The following OSBPL10 variants were observed in gnomAD, a reference collection of about 807,000 sequenced individuals.
The protein encoded by OSBPL10 is oxysterol binding protein like 10.
A neutral mutation model predicts 81.7 loss-of-function variants in OSBPL10; 49 were observed. The observed-to-expected ratio is 0.60, with a 90% CI of 0.48 to 0.76. OSBPL10 has a LOEUF of 0.76. OSBPL10 is among the 30% of genes least tolerant of loss of function. The pLI, the probability that OSBPL10 is intolerant of heterozygous loss-of-function variation, is 0.00. For missense variants in OSBPL10, 923 were observed against 987.8 expected (o/e 0.93, Z 0.88); for synonymous variants, 419 against 383.6 (o/e 1.09, Z -1.08).
At chr3:31,918,791 C>G (rs916289004) in intron 1 of OSBPL10, among the ~76,000 whole-genome samples, 1 of 152,164 alleles carries the variant, frequency 6.6e-6, no homozygotes, top group African/African-American at 2.4e-5. Flanking sequence ...AAATTTCAGA[C>G]AGTGGTAATT....
intron 7 of OSBPL10, chr3:31,701,722 T>C (rs1273454735): frequency 1.3e-5 from 2 of 152,116 alleles, no homozygotes; most frequent in Non-Finnish European, 2.9e-5. Context: ...GGGTGACGTA[T>C]GTGGGACCCT....
At chr3:31,746,679 C>CA (rs11338301) in intron 5 of OSBPL10, among the ~76,000 whole-genome samples, 365 of 134,760 alleles carry the variant, frequency 2.7e-3, no homozygotes, top group East Asian at 0.022. Flanking sequence ...AACTCTGTCT[C>CA]AAAAAAAAAA....
chr3:31,958,164 C>A (rs750317951), intron 1 of OSBPL10, among the ~76,000 whole-genome samples: 1 of 152,188 alleles, frequency 6.6e-6, no homozygotes, highest in Non-Finnish European at 1.5e-5. Context: ...AGAGCTAAAG[C>A]GTGACTTTGC....
chr3:31,741,057 C>G (rs374530039), intron 5 of OSBPL10, among the ~76,000 whole-genome samples: 1 of 152,022 alleles, frequency 6.6e-6, no homozygotes, highest in African/African-American at 2.4e-5. Context: ...TTATTTTAAG[C>G]CTTGCTTAGA....
chr3:31,918,879 G>A (rs933490357), intron 1 of OSBPL10, among the ~76,000 whole-genome samples: 1 of 152,138 alleles, frequency 6.6e-6, no homozygotes, highest in African/African-American at 2.4e-5. Flanking sequence ...ATTTGCACAA[G>A]CAAAACAAAA....
intron 3 of OSBPL10, among the ~76,000 whole-genome samples, chr3:31,858,542 C>CATT (rs1215569114): frequency 1.3e-5 from 2 of 152,176 alleles, no homozygotes; most frequent in African/African-American, 4.8e-5. Flanking sequence ...GACATGATCT[C>CATT]ATTAATCCTC....
chr3:31,713,466 G>A (rs901768173), intron 6 of OSBPL10, among the ~76,000 whole-genome samples: 7 of 151,464 alleles, frequency 4.6e-5, no homozygotes, highest in African/African-American at 1.2e-4. Context: ...GTGTGATCTT[G>A]GCTCACTGCA....
chr3:31,932,568 G>T (rs58687414), intron 1 of OSBPL10, among the ~76,000 whole-genome samples: 2 of 152,008 alleles, frequency 1.3e-5, no homozygotes, highest in Admixed American at 1.3e-4. Flanking sequence ...TTTACATTGC[G>T]TATAATAAAA....
chr3:31,750,760 A>G (rs1697688232), intron 4 of OSBPL10, among the ~76,000 whole-genome samples: 1 of 152,158 alleles, frequency 6.6e-6, no homozygotes, highest in Admixed American at 6.5e-5. Context: ...TGATGCCATA[A>G]TCTTAAGATT....
At chr3:31,904,549 C>T (rs1199912770) in intron 1 of OSBPL10, among the ~76,000 whole-genome samples, 1 of 152,160 alleles carries the variant, frequency 6.6e-6, no homozygotes, top group African/African-American at 2.4e-5. Context: ...AACTGTTCCT[C>T]CAACACATGC....
chr3:31,755,031 C>A (rs943313479), intron 4 of OSBPL10, among the ~76,000 whole-genome samples: 1 of 152,136 alleles, frequency 6.6e-6, no homozygotes, highest in African/African-American at 2.4e-5. Context: ...AATCTCATTT[C>A]AGAGCCATTG....
chr3:31,870,524 C>T (rs530026509), intron 3 of OSBPL10, among the ~76,000 whole-genome samples: 1 of 152,384 alleles, frequency 6.6e-6, no homozygotes, highest in Non-Finnish European at 1.5e-5. Flanking sequence ...GACTGGCAGG[C>T]AGCTCCACCT....
At chr3:31,749,519 T>C (rs1343456028) in intron 4 of OSBPL10, among the ~76,000 whole-genome samples, 1 of 152,194 alleles carries the variant, frequency 6.6e-6, no homozygotes, top group Non-Finnish European at 1.5e-5. Flanking sequence ...TCCAGGTCTT[T>C]GTTTAAAAGT....
intron 1 of OSBPL10, among the ~76,000 whole-genome samples, chr3:31,917,975 G>T (rs1461710697): frequency 6.6e-6 from 1 of 151,838 alleles, no homozygotes; most frequent in Non-Finnish European, 1.5e-5. Context: ...ACTAAGTGAG[G>T]TTAATCAATG....
chr3:31,744,899 C>T (rs907619837), intron 5 of OSBPL10, among the ~76,000 whole-genome samples: 15 of 152,026 alleles, frequency 9.9e-5, no homozygotes, highest in African/African-American at 3.6e-4. Context: ...GTGAGATTCT[C>T]GGAACGAGCC....
intron 4 of OSBPL10, among the ~76,000 whole-genome samples, chr3:31,764,049 C>T (rs1377407740): frequency 6.6e-6 from 1 of 152,196 alleles, no homozygotes; most frequent in Non-Finnish European, 1.5e-5. Flanking sequence ...TCAAGGCACA[C>T]AAATATGACA....
At chr3:31,747,438 T>C (rs1697558840) in intron 5 of OSBPL10, among the ~76,000 whole-genome samples, 1 of 150,812 alleles carries the variant, frequency 6.6e-6, no homozygotes, top group African/African-American at 2.5e-5. Flanking sequence ...TCCGTGTCCA[T>C]TTTGTCATTT....
intron 4 of OSBPL10, among the ~76,000 whole-genome samples, chr3:31,825,315 C>T (rs1020905433): frequency 1.3e-5 from 2 of 152,104 alleles, no homozygotes; most frequent in African/African-American, 4.8e-5. Context: ...AAGGAAGTAT[C>T]TTCCAGTCCA....
intron 1 of OSBPL10, among the ~76,000 whole-genome samples, chr3:31,956,749 T>C (rs563483152): frequency 6.6e-6 from 1 of 150,752 alleles, no homozygotes; most frequent in South Asian, 2.1e-4. Flanking sequence ...AGGGGGCCTT[T>C]CATGGACCCT....
Sources: gnomAD v4.1 joint callset for allele counts (sites outside exome capture counted in the v4.1 genomes callset) on GRCh38, gnomAD v4.1.1 for gene constraint, MANE v1.5 for transcripts, NCBI Gene and HGNC (gene_info 2026-07-23, HGNC 2026-07-21) for gene names.